Variants in NEK1 observed in about 807,000 individuals in gnomAD.
NEK1 encodes serine/threonine-protein kinase Nek1.
Under a neutral mutation model 182.1 loss-of-function variants are expected in NEK1, and 137 were observed. The ratio of observed to expected loss-of-function variants is 0.75; its 90% CI spans 0.65 to 0.87. The LOEUF (loss-of-function observed/expected upper bound fraction) is 0.87, where lower values mean the gene tolerates loss of function less well. Ranked by LOEUF, NEK1 falls within the 40% of genes least tolerant of loss-of-function variation. NEK1 has a pLI of 0.00. For synonymous variants in NEK1, 513 were observed against 492.2 expected (o/e 1.04, Z -0.56); for missense variants, 1,391 against 1,494.4 (o/e 0.93, Z 1.14).
At chr4:169,560,601 C>T (rs1762766687) in intron 16 of NEK1, among the ~76,000 whole-genome samples, 2 of 152,040 alleles carry the variant, frequency 1.3e-5, no homozygotes, top group Non-Finnish European at 2.9e-5. Flanking sequence ...GGTGTGTATA[C>T]CGCAGTTGAG....
At chr4:169,414,159 T>A (rs905791727) in intron 31 of NEK1, among the ~76,000 whole-genome samples, 1 of 152,214 alleles carries the variant, frequency 6.6e-6, no homozygotes, top group Non-Finnish European at 1.5e-5. Flanking sequence ...AGATGGTAGT[T>A]CATAGCTACT....
intron 23 of NEK1, among the ~76,000 whole-genome samples, chr4:169,500,870 T>C (rs970335870): frequency 3.9e-5 from 6 of 152,126 alleles, no homozygotes; most frequent in Non-Finnish European, 8.8e-5. Flanking sequence ...TACAAAGCAA[T>C]AGTTAACACT....
chr4:169,443,970 G>A (rs1392709681), intron 27 of NEK1, among the ~76,000 whole-genome samples: 21 of 152,092 alleles, frequency 1.4e-4, no homozygotes, highest in Non-Finnish European at 2.9e-5. Flanking sequence ...CAAAAATGAA[G>A]GAGAAATAAA....
intron 23 of NEK1, among the ~76,000 whole-genome samples, chr4:169,497,047 G>A (rs565984199): frequency 6.6e-6 from 1 of 152,250 alleles, no homozygotes; most frequent in East Asian, 1.9e-4. Flanking sequence ...ATTTCTTTTG[G>A]TGGGTAAGCT....
intron 26 of NEK1, among the ~76,000 whole-genome samples, chr4:169,467,609 G>A (rs1313390018): frequency 6.6e-6 from 1 of 152,094 alleles, no homozygotes; most frequent in Non-Finnish European, 1.5e-5. Context: ...GACAGTCCCT[G>A]ACTTATGATG....
intron 23 of NEK1, among the ~76,000 whole-genome samples, chr4:169,490,929 G>A (rs1325694915): frequency 1.3e-5 from 2 of 151,980 alleles, no homozygotes; most frequent in East Asian, 1.9e-4. Flanking sequence ...GGATCACGAG[G>A]TCAGGAGATC....
chr4:169,492,510 CAGCCCTTGCA>C (rs1750301016), intron 23 of NEK1, among the ~76,000 whole-genome samples: 2 of 152,196 alleles, frequency 1.3e-5, no homozygotes, highest in South Asian at 4.1e-4. Context: ...GGGAGCCCCT[CAGCCCTTGCA>C]AGCCAGGGCA....
At chr4:169,570,662 C>A (rs1764651062) in intron 12 of NEK1, among the ~76,000 whole-genome samples, 1 of 152,224 alleles carries the variant, frequency 6.6e-6, no homozygotes, top group East Asian at 1.9e-4. Flanking sequence ...CGGCCACCAC[C>A]CCATCTGGGA....
At chr4:169,496,876 G>T (rs965346356) in intron 23 of NEK1, among the ~76,000 whole-genome samples, 2 of 151,956 alleles carry the variant, frequency 1.3e-5, no homozygotes, top group Non-Finnish European at 2.9e-5. Flanking sequence ...TTTTTTTGTT[G>T]TGTCTCTGCC....
At chr4:169,592,335 G>A (rs1337356902) in intron 5 of NEK1, among the ~76,000 whole-genome samples, 1 of 151,916 alleles carries the variant, frequency 6.6e-6, no homozygotes, top group Non-Finnish European at 1.5e-5. Flanking sequence ...TTCATCAAGG[G>A]GCCTGATTAA....
In NEK1 at chr4:169,507,786, C is replaced by T; in HGVS notation, c.1840G>A (p.Ala614Thr). ...KAKLRGEKKE[A>T]NHSEGQEGSE... ...CCTTCTTGTCCTTCAGAATGATTAG[C>T]TTCTTTCTACAAAATAAGTAGATAA... The change falls in exon 22 of 36, where the codon GCT becomes ACT. Residue 614 changes from alanine (A) to threonine (T), a missense_variant. By Grantham distance (58) the Ala-to-Thr change is moderately conservative. Around this residue, in one of 5 missense-constraint regions of NEK1, gnomAD observed 1,216 missense variants for 1,277.6 expected, o/e 0.95. Coordinates refer to ENST00000507142, the MANE Select transcript of NEK1 (RefSeq NM_001199397.3). The T allele has an allele frequency of 1.2e-6, 2 of 1,611,924 alleles. No individual in the cohort carries two copies. Among genetic ancestry groups the T allele is most frequent in the East Asian group, 2.2e-5 (1 of 44,760 alleles).
At chr4:169,552,339 T>A (rs930032624) in intron 18 of NEK1, among the ~76,000 whole-genome samples, 1 of 150,138 alleles carries the variant, frequency 6.7e-6, no homozygotes, top group African/African-American at 2.5e-5. Context: ...AGAAGAAAAA[T>A]CACATGATCA....
rs763310804 is a variant in NEK1 at position 169,424,783 on chromosome 4, A to AC, written c.2991_2992insG (p.Ser998ValfsTer5). ...TCTACATCACATTTAGAGTGCTGAGAATCATTGGTTCCAGGCTCTGTGGTA... is the reference window on the plus strand; with the variant it reads ...TCTACATCACATTTAGAGTGCTGAGACATCATTGGTTCCAGGCTCTGTGGTA... On this transcript the variant is annotated frameshift_variant, in exon 31 of 36. Coordinates refer to ENST00000507142, the MANE Select transcript of NEK1 (RefSeq NM_001199397.3). LOFTEE classifies it high-confidence loss of function. The AC allele has an allele frequency of 3.1e-6, 5 of 1,608,478 alleles. No homozygotes were observed. In the South Asian group the frequency reaches 5.5e-5, roughly 18 times the overall value.
intron 19 of NEK1, among the ~76,000 whole-genome samples, chr4:169,525,667 G>A (rs1237145842): frequency 6.6e-6 from 1 of 151,952 alleles, no homozygotes; most frequent in Non-Finnish European, 1.5e-5. Flanking sequence ...GGTAAGAGTT[G>A]AACAGTTGTA....
rs182859033 is a variant in NEK1 at position 169,422,860 on chromosome 4, C to G, written c.3222+1693G>C. Among the ~76,000 whole-genome samples, 244 of 152,222 alleles carry G rather than the reference C, an allele frequency of 1.6e-3. 1 individual carries two copies. Among genetic ancestry groups the G allele is most frequent in the African/African-American group, 5.4e-3 (226 of 41,550 alleles). ...GCAATAGGTATTAAGAAGCTCTGAG[C>G]TAAAGATGGCTATACATCTTTACTA... On this transcript the variant is annotated intron_variant, in intron 31 of 35. Transcript: ENST00000507142.
intron 23 of NEK1, among the ~76,000 whole-genome samples, chr4:169,488,693 A>G (rs1417294003): frequency 6.6e-6 from 1 of 152,160 alleles, no homozygotes; most frequent in Non-Finnish European, 1.5e-5. Flanking sequence ...TTACATTAAT[A>G]TTTTAGGGGG....
At chr4:169,522,399 T>C (rs1250733522) in intron 19 of NEK1, among the ~76,000 whole-genome samples, 2 of 152,172 alleles carry the variant, frequency 1.3e-5, no homozygotes, top group Admixed American at 6.6e-5. Context: ...CTCACACAAA[T>C]TGTGTTTTTG....
chr4:169,461,469 C>T (rs562742536), intron 27 of NEK1, among the ~76,000 whole-genome samples: 1 of 152,182 alleles, frequency 6.6e-6, no homozygotes, highest in Non-Finnish European at 1.5e-5. Context: ...CCCAAAAGGG[C>T]CATATGTGTT....
chr4:169,436,144 T>C (rs1452343892), intron 28 of NEK1, among the ~76,000 whole-genome samples: 1 of 152,224 alleles, frequency 6.6e-6, no homozygotes, highest in Non-Finnish European at 1.5e-5. Flanking sequence ...GCTCAAGCGA[T>C]ATGCCAGCCT....
Sources: gnomAD v4.1 joint callset for allele counts (sites outside exome capture counted in the v4.1 genomes callset) on GRCh38, gnomAD v4.1.1 for gene constraint, gnomAD v4.1.1 regional missense constraint, MANE v1.5 for transcripts, NCBI Gene and HGNC (gene_info 2026-07-23, HGNC 2026-07-21) for gene names.